RGS9: variants seen among roughly 807,000 people sequenced by gnomAD.
RGS9 encodes the protein regulator of G-protein signalling 9.
Under a neutral mutation model 102.0 loss-of-function variants are expected in RGS9, and 78 were observed. The observed-to-expected ratio is 0.76, with a 90% CI of 0.64 to 0.92. The LOEUF is 0.92. RGS9 is among the 40% of genes least tolerant of loss of function. The pLI, the probability that RGS9 is intolerant of heterozygous loss-of-function variation, is 0.00. For synonymous variants in RGS9, 353 were observed against 318.6 expected (o/e 1.11, Z -1.15); for missense variants, 833 against 866.1 (o/e 0.96, Z 0.48).
chr17:65,181,896 C>T (rs951255494), intron 9 of RGS9, among the ~76,000 whole-genome samples: 6 of 152,242 alleles, frequency 3.9e-5, no homozygotes, highest in Non-Finnish European at 7.3e-5. Context: ...ACTCCACACA[C>T]AGCTGGTATT....
At chr17:65,188,056 T>G (rs1363151282) in intron 9 of RGS9, among the ~76,000 whole-genome samples, 2 of 151,660 alleles carry the variant, frequency 1.3e-5, no homozygotes, top group African/African-American at 4.8e-5. Flanking sequence ...AGTATAAGAG[T>G]CAGTACCAGC....
At chr17:65,217,242 G>T (rs1415785521) in intron 17 of RGS9, among the ~76,000 whole-genome samples, 1 of 152,224 alleles carries the variant, frequency 6.6e-6, no homozygotes, top group Non-Finnish European at 1.5e-5. Context: ...ATAGACATGG[G>T]CTCTGCTGAG....
At chr17:65,226,504 A>G (rs1905686258) in intron 18 of RGS9, among the ~76,000 whole-genome samples, 1 of 152,080 alleles carries the variant, frequency 6.6e-6, no homozygotes, top group Non-Finnish European at 1.5e-5. Flanking sequence ...TGCAGAGGGA[A>G]TATTCCAGCT....
At chr17:65,221,050 T>TG (rs1913689779) in intron 17 of RGS9, among the ~76,000 whole-genome samples, 2 of 151,670 alleles carry the variant, frequency 1.3e-5, no homozygotes, top group Non-Finnish European at 2.9e-5. Flanking sequence ...GGGACCAAGG[T>TG]GGGGAATTGT....
intron 17 of RGS9, among the ~76,000 whole-genome samples, chr17:65,215,431 C>A (rs1228399280): frequency 2.0e-5 from 3 of 152,178 alleles, no homozygotes; most frequent in Non-Finnish European, 2.9e-5. Context: ...GTACACCATT[C>A]ATGTAATCAA....
intron 12 of RGS9, among the ~76,000 whole-genome samples, chr17:65,196,152 T>G (rs1025198811): frequency 1.8e-4 from 27 of 152,264 alleles, no homozygotes; most frequent in African/African-American, 6.3e-4. Context: ...ATTCATAGTG[T>G]TCTTTTAAGG....
intron 18 of RGS9, among the ~76,000 whole-genome samples, chr17:65,226,803 C>T (rs373392234): frequency 1.3e-5 from 2 of 151,988 alleles, no homozygotes; most frequent in African/African-American, 2.4e-5. Flanking sequence ...TTAGTAGAGA[C>T]GGGGTTTCGC....
chr17:65,176,794 C>T (rs868823859), intron 8 of RGS9, among the ~76,000 whole-genome samples: 1 of 150,544 alleles, frequency 6.6e-6, no homozygotes, highest in Admixed American at 6.6e-5. Flanking sequence ...TATCCATTCA[C>T]CATCCATCTA....
At position 65,210,619 on chromosome 17, in the gene RGS9, T is replaced by C; in HGVS notation, c.1407+14T>C. The C allele has an allele frequency of 6.2e-7, 1 of 1,613,534 alleles. No individual in the cohort carries two copies. The highest frequency in any genetic ancestry group is 1.1e-5 in the South Asian group (1 of 91,068). On this transcript the variant is annotated intron_variant, in intron 17 of 18. Transcript: ENST00000262406. ...GACATCACCCAGGTCATGAGCAAGC[T>C]GGACCGCAGGAGCCAACTCCAAAAA... is the stretch of plus-strand genomic sequence containing the variant.
chr17:65,209,161 CA>C (rs1385154163), intron 16 of RGS9, among the ~76,000 whole-genome samples: 1 of 152,182 alleles, frequency 6.6e-6, no homozygotes, highest in African/African-American at 2.4e-5. Flanking sequence ...CACGTGAATG[CA>C]TTCGTAAAGT....
intron 15 of RGS9, 45 bp from the exon 16 acceptor site, chr17:65,207,876 CT>C (rs779439603): frequency 7.1e-7 from 1 of 1,411,126 alleles, no homozygotes; most frequent in African/African-American, 1.4e-5. Flanking sequence ...TTTGATTTGA[CT>C]GCTTTTTTCT....
At chr17:65,160,459 T>A (rs1337383831) in intron 4 of RGS9, 77 bp from the exon 5 acceptor site, 24 of 1,596,192 alleles carry the variant, frequency 1.5e-5, no homozygotes, top group Non-Finnish European at 2.0e-5. Flanking sequence ...GGTGGTTGGA[T>A]TTCTTTAGTC....
chr17:65,164,376 G>A (rs892886411), intron 7 of RGS9, among the ~76,000 whole-genome samples: 4 of 152,226 alleles, frequency 2.6e-5, no homozygotes, highest in African/African-American at 7.2e-5. Context: ...CAACGTCAAA[G>A]GTTGGTGGGT....
At chr17:65,194,886 C>A (rs866665155) in intron 12 of RGS9, among the ~76,000 whole-genome samples, 1 of 152,192 alleles carries the variant, frequency 6.6e-6, no homozygotes. Flanking sequence ...GGTAAGCAGG[C>A]CTGGCCTGGG....
At chr17:65,194,215 T>C (rs1294370904) in intron 12 of RGS9, among the ~76,000 whole-genome samples, 1 of 152,250 alleles carries the variant, frequency 6.6e-6, no homozygotes, top group Non-Finnish European at 1.5e-5. Context: ...ACGAATCTTG[T>C]AGCATGGATC....
At chr17:65,171,241 G>A (rs1333330658) in intron 8 of RGS9, among the ~76,000 whole-genome samples, 1 of 152,182 alleles carries the variant, frequency 6.6e-6, no homozygotes, top group Non-Finnish European at 1.5e-5. Flanking sequence ...AAGGGGTTAG[G>A]TGCTGGGTGT....
chr17:65,170,789 T>C (rs1233534757), intron 8 of RGS9, among the ~76,000 whole-genome samples: 1 of 152,144 alleles, frequency 6.6e-6, no homozygotes, highest in Admixed American at 6.5e-5. Context: ...ATCTAACCTC[T>C]TTCATGGCTG....
At position 65,225,047 on chromosome 17, in the gene RGS9, G is replaced by A. The variant is rs749768245; in HGVS notation, c.1453G>A (p.Gly485Arg). The A allele has an allele frequency of 3.1e-6, 5 of 1,613,740 alleles. No homozygotes were observed. Among genetic ancestry groups the A allele is most frequent in the Admixed American group, 1.7e-5 (1 of 59,984 alleles). ...APSPHLTVYTGTCMPPSPSSP... is the reference protein window; with the variant it reads ...APSPHLTVYTRTCMPPSPSSP... Reference sequence around the variant, plus strand: ...CAGCCCCCATCTGACCGTGTACACCGGGACCTGCATGCCCCCGTCTCCTTC... The same window carrying A: ...CAGCCCCCATCTGACCGTGTACACCAGGACCTGCATGCCCCCGTCTCCTTC... Residue 485 changes from glycine (G) to arginine (R), a missense_variant, in exon 18 of 19, where the codon GGG (glycine) becomes AGG (arginine). Gly to Arg is a moderately radical substitution (Grantham distance 125). This residue lies in a region of RGS9 where 320 missense variants were observed against 276.8 expected (regional missense o/e 1.16). Transcript: ENST00000262406.
In RGS9 at chr17:65,186,871, C is replaced by T. The variant is rs570400843; in HGVS notation, c.655-2415C>T. On this transcript the variant is annotated intron_variant, in intron 9 of 18. Coordinates refer to ENST00000262406, the MANE Select transcript of RGS9 (RefSeq NM_003835.4). ...GTTATCATTATGTAAAAGTACAGCTCCCCCTTTGAGCAGAGGGCATAAACC... is the reference window on the plus strand; with the variant it reads ...GTTATCATTATGTAAAAGTACAGCTTCCCCTTTGAGCAGAGGGCATAAACC... 6.6e-5 allele frequency among the ~76,000 whole-genome samples: 10 copies of T among 152,274 alleles called. No homozygotes were observed. The East Asian group carries it at 1.4e-3, about 21-fold the overall frequency.
Sources: gnomAD v4.1 joint callset for allele counts (sites outside exome capture counted in the v4.1 genomes callset) on GRCh38, gnomAD v4.1.1 for gene constraint, gnomAD v4.1.1 regional missense constraint, MANE v1.5 for transcripts, NCBI Gene and HGNC (gene_info 2026-07-23, HGNC 2026-07-21) for gene names.